The following DISC1 variants were observed in gnomAD, a reference collection of about 807,000 sequenced individuals.
DISC1 encodes disrupted in schizophrenia 1 protein.
In DISC1, 57 loss-of-function variants were observed where a neutral mutation model predicts 84.5. The ratio of observed to expected loss-of-function variants is 0.67; its 90% CI spans 0.55 to 0.84. The LOEUF is 0.84. Ranked by LOEUF, DISC1 falls within the 40% of genes least tolerant of loss-of-function variation. DISC1 has a pLI of 0.00. For synonymous variants in DISC1, 411 were observed against 415.2 expected (o/e 0.99, Z 0.12); for missense variants, 1,000 against 1,057.8 (o/e 0.95, Z 0.76).
rs73117127 is a variant in DISC1, at chr1:231,716,188, C to T, written c.1117+14164C>T. ...GAAAACACTGTGTAAAGTGTGGATG[C>T]TTCTGAAAAATCTCCCTGCCAGCAG... On this transcript the variant is annotated intron_variant, in intron 3 of 12. Transcript: ENST00000439617. 5.4e-3 allele frequency among the ~76,000 whole-genome samples: 818 copies of T among 152,086 alleles called. 6 individuals are homozygous for T. Among genetic ancestry groups the T allele is most frequent in the African/African-American group, 0.019 (784 of 41,484 alleles).
intron 6 of DISC1, chr1:231,771,618 G>GA: frequency 1.0e-6 from 1 of 984,228 alleles, no homozygotes; most frequent in Non-Finnish European, 1.2e-6. Context: ...TACAGGTGAG[G>GA]AAAAACGTTT....
At chr1:231,797,935 C>T (rs553895884) in intron 7 of DISC1, among the ~76,000 whole-genome samples, 3 of 151,784 alleles carry the variant, frequency 2.0e-5, no homozygotes, top group South Asian at 2.1e-4. Context: ...TGCACAGACA[C>T]GAATGTGTGT....
chr1:231,733,111 G>A (rs573679384), intron 3 of DISC1, among the ~76,000 whole-genome samples: 153 of 149,098 alleles, frequency 1.0e-3, no homozygotes, highest in African/African-American at 3.7e-3. Context: ...GGTGATGGTG[G>A]TAGTGGTAGG....
rs1034922433 is a variant in DISC1 at position 231,852,443 on chromosome 1, G to A, written c.1981+33926G>A. ...ACAGGGGTGAGCACAGCAAGGGTAC[G>A]AAGGATGTAAAATCAGACGCAGCTT... On this transcript the variant is annotated intron_variant, in intron 9 of 12. Coordinates refer to ENST00000439617, the MANE Select transcript of DISC1 (RefSeq NM_018662.3). 5.3e-5 allele frequency among the ~76,000 whole-genome samples: 8 copies of A among 152,340 alleles called. No individual in the cohort carries two copies. In the East Asian group the frequency reaches 7.7e-4, roughly 15 times the overall value.
At chr1:231,811,913 T>C (rs1313643880) in intron 8 of DISC1, among the ~76,000 whole-genome samples, 1 of 152,162 alleles carries the variant, frequency 6.6e-6, no homozygotes, top group Non-Finnish European at 1.5e-5. Context: ...ATTAAGAGAC[T>C]CCCCTTCCTG....
chr1:231,956,896 A>G (rs1285871913), intron 9 of DISC1, among the ~76,000 whole-genome samples: 1 of 152,178 alleles, frequency 6.6e-6, no homozygotes, highest in African/African-American at 2.4e-5. Flanking sequence ...TCCTCACAAA[A>G]TGGTGGCTGG....
intron 12 of DISC1, among the ~76,000 whole-genome samples, chr1:232,027,829 GTA>G (rs1491475875): frequency 6.7e-6 from 1 of 148,968 alleles, no homozygotes; most frequent in East Asian, 2.0e-4. Context: ...GTGTGTGTGT[GTA>G]TAAGTAGCTT....
chr1:231,636,627 A>C (rs2059223494), intron 1 of DISC1, among the ~76,000 whole-genome samples: 1 of 152,180 alleles, frequency 6.6e-6, no homozygotes, highest in African/African-American at 2.4e-5. Context: ...GAAAAGCATA[A>C]GGTAATACAT....
chr1:231,655,195 G>A (rs1469831843), intron 1 of DISC1, among the ~76,000 whole-genome samples: 2 of 152,154 alleles, frequency 1.3e-5, no homozygotes, highest in Admixed American at 1.3e-4. Flanking sequence ...AAATTTTAGT[G>A]TACCCAAGTT....
intron 10 of DISC1, among the ~76,000 whole-genome samples, chr1:231,995,215 G>C (rs896187337): frequency 1.3e-5 from 2 of 151,778 alleles, no homozygotes; most frequent in African/African-American, 4.8e-5. Context: ...AGACACATGA[G>C]GACTATTCTA....
chr1:231,658,925 C>T (rs778086604), intron 1 of DISC1, among the ~76,000 whole-genome samples: 10 of 151,912 alleles, frequency 6.6e-5, no homozygotes, highest in Admixed American at 2.6e-4. Flanking sequence ...TTAAGGATAT[C>T]GGCCTGAGGT....
At chr1:231,934,839 A>G (rs1470761770) in intron 9 of DISC1, among the ~76,000 whole-genome samples, 1 of 152,182 alleles carries the variant, frequency 6.6e-6, no homozygotes, top group Non-Finnish European at 1.5e-5. Flanking sequence ...TCCTCCCCTC[A>G]TTTGAGGGGC....
intron 9 of DISC1, among the ~76,000 whole-genome samples, chr1:231,858,623 TG>T (rs1237286048): frequency 1.3e-5 from 2 of 152,222 alleles, no homozygotes; most frequent in Admixed American, 1.3e-4. Flanking sequence ...CCTTTTCTGT[TG>T]TTCTGCTGAA....
At chr1:231,910,858 C>T (rs1036359206) in intron 9 of DISC1, among the ~76,000 whole-genome samples, 4 of 152,122 alleles carry the variant, frequency 2.6e-5, no homozygotes, top group Non-Finnish European at 5.9e-5. Flanking sequence ...TCTGGGTGCT[C>T]TTGTATTGTG....
intron 9 of DISC1, among the ~76,000 whole-genome samples, chr1:231,886,775 CTTT>C (rs59049112): frequency 1.5e-5 from 1 of 68,470 alleles, no homozygotes; most frequent in Non-Finnish European, 3.4e-5. Flanking sequence ...TCCTTTCTTT[CTTT>C]CTTTCTTTCT....
Position 231,897,302 on chromosome 1 carries a change from T to C in DISC1, c.1982-61526T>C, listed in dbSNP as rs1257093349. Among the ~76,000 whole-genome samples the C allele has an allele frequency of 1.3e-5, 2 of 152,226 alleles. No individual in the cohort carries two copies. The highest frequency in any genetic ancestry group is 4.8e-5 in the African/African-American group (2 of 41,466). ...GAGGTCTTGAATTAATAGTCAAACC[T>C]GATATAGCTTCTTTGTCACTGTGTC... On this transcript the variant is annotated intron_variant, in intron 9 of 12. Coordinates refer to ENST00000439617, the MANE Select transcript of DISC1 (RefSeq NM_018662.3). The surrounding 1 kb of genome is among the most constrained non-coding windows in gnomAD (Gnocchi z 4.5).
intron 3 of DISC1, chr1:231,702,387 G>A: frequency 9.9e-7 from 1 of 1,010,766 alleles, no homozygotes; most frequent in Non-Finnish European, 1.2e-6. Context: ...GAATATGGGA[G>A]ACAATAGGAA....
intron 10 of DISC1, among the ~76,000 whole-genome samples, chr1:231,960,004 T>C (rs1660160507): frequency 6.6e-6 from 1 of 152,130 alleles, no homozygotes; most frequent in South Asian, 2.1e-4. Flanking sequence ...CAGCCAGTGG[T>C]AGCCATAAGC....
intron 9 of DISC1, among the ~76,000 whole-genome samples, chr1:231,917,948 T>C (rs895343605): frequency 3.9e-5 from 6 of 152,250 alleles, no homozygotes; most frequent in African/African-American, 1.4e-4. Context: ...CATTTTATGA[T>C]TGAAGAAGCT....
Sources: gnomAD v4.1 joint callset for allele counts (sites outside exome capture counted in the v4.1 genomes callset) on GRCh38, gnomAD v4.1.1 for gene constraint, Gnocchi (gnomAD v3.1) non-coding constraint, MANE v1.5 for transcripts, NCBI Gene and HGNC (gene_info 2026-07-23, HGNC 2026-07-21) for gene names.